The following AAK1 variants were observed in gnomAD, a reference collection of about 807,000 sequenced individuals.
The protein encoded by AAK1 is AP2 associated kinase 1.
AAK1 carries 37 observed loss-of-function variants against 116.0 expected under a neutral mutation model. The observed-to-expected ratio is 0.32, with a 90% CI of 0.25 to 0.42. The LOEUF (loss-of-function observed/expected upper bound fraction) is 0.42, where lower values mean the gene tolerates loss of function less well. AAK1 is among the 10% of genes least tolerant of loss of function. The pLI is 1.00. For missense variants in AAK1, 919 were observed against 1,170.6 expected, an observed-to-expected ratio of 0.79 and a Z score of 3.14; for synonymous variants, 458 against 439.9, an observed-to-expected ratio of 1.04 and a Z score of -0.51.
chr2:69,475,105 A>G lies in AAK1; in HGVS notation c.*764T>C, dbSNP rs562786644. 40 of 985,776 alleles carry G rather than the reference A, an allele frequency of 4.1e-5. No homozygotes were observed. In the African/African-American group the frequency reaches 7.0e-4, roughly 17 times the overall value. The allele number at this position is 985,776 out of a possible 1,614,324, so 61.1% of individuals were successfully genotyped here. On this transcript the variant is annotated 3_prime_UTR_variant, in exon 22 of 22. Coordinates refer to ENST00000409085, the MANE Select transcript of AAK1 (RefSeq NM_014911.5). Reference sequence around the variant, plus strand: ...GAATGGCAATACTTGGGATTTATATAACGTACACATTGTATCCAAGGATCT... The same window carrying G: ...GAATGGCAATACTTGGGATTTATATGACGTACACATTGTATCCAAGGATCT...
chr2:69,620,163 T>C (rs771419884), intron 2 of AAK1, among the ~76,000 whole-genome samples: 8 of 152,158 alleles, frequency 5.3e-5, no homozygotes, highest in Non-Finnish European at 1.2e-4. Context: ...TAAGAAGTGG[T>C]TGGACCTTGG....
chr2:69,639,348 A>AT (rs1240572402), intron 2 of AAK1, among the ~76,000 whole-genome samples: 19 of 152,342 alleles, frequency 1.2e-4, no homozygotes, highest in Admixed American at 9.1e-4. Context: ...GCTTAAACCA[A>AT]ATCTTCCCTT....
intron 2 of AAK1, among the ~76,000 whole-genome samples, chr2:69,605,872 A>C (rs2105205565): frequency 6.6e-6 from 1 of 151,596 alleles, no homozygotes; most frequent in East Asian, 1.9e-4. Context: ...TTCTATGGAC[A>C]CTTTTAACAG....
At chr2:69,643,528 C>T in intron 1 of AAK1, 47 bp downstream of exon 1, 2 of 1,226,446 alleles carry the variant, frequency 1.6e-6, no homozygotes, top group Non-Finnish European at 2.0e-6. Context: ...CCCGCTCCTC[C>T]CGGGTCTCCC....
At chr2:69,476,055 C>A in intron 21 of AAK1, 92 bp from the exon 22 acceptor site, 1 of 1,472,410 alleles carries the variant, frequency 6.8e-7, no homozygotes. Flanking sequence ...CAAACCAAAA[C>A]CAAAACCAAA....
chr2:69,529,367 A>G (rs1670149626), intron 8 of AAK1, among the ~76,000 whole-genome samples: 1 of 152,092 alleles, frequency 6.6e-6, no homozygotes, highest in Admixed American at 6.5e-5. Flanking sequence ...CTTCTTTAGC[A>G]TTTTAGTATA....
intron 7 of AAK1, 82 bp downstream of exon 7, chr2:69,530,543 A>G (rs968609941): frequency 1.7e-6 from 2 of 1,179,644 alleles, no homozygotes; most frequent in South Asian, 1.3e-5. Flanking sequence ...CCACCATGCT[A>G]TAGCGCTGTG....
intron 1 of AAK1, 134 bp from the exon 2 acceptor site, chr2:69,643,408 G>C (rs566303818): frequency 1.1e-5 from 13 of 1,179,330 alleles, no homozygotes; most frequent in Middle Eastern, 6.4e-4. Flanking sequence ...AAAAACCGTG[G>C]GGCTGAAAAC....
intron 2 of AAK1, among the ~76,000 whole-genome samples, chr2:69,605,263 A>G (rs138643865): frequency 2.6e-4 from 40 of 152,306 alleles, no homozygotes; most frequent in African/African-American, 9.4e-4. Context: ...CCTCCATTCA[A>G]CAACAAATTT....
chr2:69,595,911 C>T (rs998650163), intron 2 of AAK1, among the ~76,000 whole-genome samples: 1 of 152,184 alleles, frequency 6.6e-6, no homozygotes, highest in African/African-American at 2.4e-5. Context: ...AAAGCCAATG[C>T]TCATTGGCCA....
rs930427816 is a variant in AAK1, at chr2:69,466,849, C to T, written c.*9020G>A. On this transcript the variant is annotated 3_prime_UTR_variant, in exon 22 of 22. Coordinates refer to ENST00000409085, the MANE Select transcript of AAK1 (RefSeq NM_014911.5). ...ATGCTCCTACACACAGGGCCAGGCA[C>T]GGACACCTGCTCTACCTGGCACTGG... 2.9e-5 allele frequency: 29 copies of T among 985,302 alleles called. No individual in the cohort carries two copies. Among genetic ancestry groups the T allele is most frequent in the Admixed American group, 2.5e-4 (4 of 16,264 alleles). The allele number at this position is 985,302 out of a possible 1,614,324, so 61.0% of individuals were successfully genotyped here. A position where few individuals can be genotyped will look rare whatever the true frequency, so the allele number is the denominator to read the frequency against.
At chr2:69,609,918 C>T (rs901255470) in intron 2 of AAK1, among the ~76,000 whole-genome samples, 5 of 151,378 alleles carry the variant, frequency 3.3e-5, no homozygotes, top group Non-Finnish European at 7.4e-5. Context: ...AGCATGGTGG[C>T]GGGCACCTGT....
chr2:69,590,076 C>T (rs1672962973), intron 2 of AAK1, among the ~76,000 whole-genome samples: 2 of 152,314 alleles, frequency 1.3e-5, no homozygotes, highest in African/African-American at 4.8e-5. Flanking sequence ...GGAAGCCAGA[C>T]AGGAAGATAA....
At chr2:69,614,275 C>T (rs1269741088) in intron 2 of AAK1, among the ~76,000 whole-genome samples, 1 of 151,988 alleles carries the variant, frequency 6.6e-6, no homozygotes, top group Non-Finnish European at 1.5e-5. Flanking sequence ...AGGCTGAAAA[C>T]AAAGGCAAGG....
At chr2:69,511,556 C>T (rs1182660024) in intron 13 of AAK1, among the ~76,000 whole-genome samples, 1 of 152,146 alleles carries the variant, frequency 6.6e-6, no homozygotes, top group Non-Finnish European at 1.5e-5. Context: ...ACATAGGGGT[C>T]AGAGGGCTTT....
chr2:69,505,708 CAG>C, intron 15 of AAK1, 35 bp from the exon 16 acceptor site: 3 of 1,561,522 alleles, frequency 1.9e-6, no homozygotes, highest in Non-Finnish European at 2.6e-6. Flanking sequence ...TTCATTCTAG[CAG>C]AATCTTGCGA....
At chr2:69,528,051 G>A (rs1670093905) in intron 8 of AAK1, among the ~76,000 whole-genome samples, 1 of 152,250 alleles carries the variant, frequency 6.6e-6, no homozygotes, top group East Asian at 1.9e-4. Context: ...TGCAGAAGAG[G>A]CAGAGCTTGA....
chr2:69,498,906 G>C (rs1675862215), intron 16 of AAK1, among the ~76,000 whole-genome samples: 1 of 152,220 alleles, frequency 6.6e-6, no homozygotes, highest in South Asian at 2.1e-4. Context: ...AGCTCAACTA[G>C]ATGGGTAACA....
rs1330440864 is a variant in AAK1, at chr2:69,469,540, C to A, written c.*6329G>T. On this transcript the variant is annotated 3_prime_UTR_variant, in exon 22 of 22. Coordinates refer to ENST00000409085, the MANE Select transcript of AAK1 (RefSeq NM_014911.5). ...ATTGAAGGATTTATACTAACCTAAC[C>A]ACATGCCTTGACCCAGTTCCTTTGG... is the stretch of plus-strand genomic sequence containing the variant. 1.3e-5 allele frequency: 13 copies of A among 985,270 alleles called. No individual in the cohort carries two copies. The highest frequency in any genetic ancestry group is 2.4e-6 in the Non-Finnish European group (2 of 829,932). The allele number at this position is 985,270 out of a possible 1,614,324, so 61.0% of individuals were successfully genotyped here.
Sources: gnomAD v4.1 joint callset for allele counts (sites outside exome capture counted in the v4.1 genomes callset) on GRCh38, gnomAD v4.1.1 for gene constraint, MANE v1.5 for transcripts, NCBI Gene and HGNC (gene_info 2026-07-23, HGNC 2026-07-21) for gene names.